ADGRF5: variants seen among roughly 807,000 people sequenced by gnomAD.
ADGRF5 encodes the protein adhesion G protein-coupled receptor F5, also known as G-protein coupled receptor 116.
Under a neutral mutation model 132.3 loss-of-function variants are expected in ADGRF5, and 75 were observed. That is an observed-to-expected ratio of 0.57 (90% confidence interval 0.47 to 0.69). The LOEUF is 0.69. Among genes scored for constraint, ADGRF5 ranks in the 30% least tolerant of loss-of-function variants. The pLI is 0.00. For missense variants in ADGRF5, 1,516 were observed against 1,630.6 expected, an observed-to-expected ratio of 0.93 and a Z score of 1.21; for synonymous variants, 629 against 597.6, an observed-to-expected ratio of 1.05 and a Z score of -0.77.
At chr6:46,887,036 C>T (rs1319340990) in intron 4 of ADGRF5, 2 of 152,142 alleles carry the variant, frequency 1.3e-5, no homozygotes, top group Non-Finnish European at 2.9e-5. Context: ...CTCTTGAAGT[C>T]ATCCCATCTC....
rs554627829 is a variant in ADGRF5 at position 46,883,770 on chromosome 6, C to A, written c.506-105G>T. 13 of 645,542 alleles carry A rather than the reference C, an allele frequency of 2.0e-5. No individual in the cohort carries two copies. In the South Asian group the frequency reaches 2.7e-4, roughly 14 times the overall value. 40.0% of individuals were successfully genotyped at this position (645,542 alleles called of 1,614,324 possible). A position where few individuals can be genotyped will look rare whatever the true frequency, so the allele number is the denominator to read the frequency against. On this transcript the variant is annotated intron_variant, in intron 5 of 20. Coordinates refer to ENST00000283296, the MANE Select transcript of ADGRF5 (RefSeq NM_001098518.2). ...TTTGTTTGTTTGTTTCAGATGGAGT[C>A]TCCCTCTGTCTCCCAGGCTGGAGTG...
intron 3 of ADGRF5, among the ~76,000 whole-genome samples, chr6:46,894,197 C>T (rs904825017): frequency 5.9e-5 from 9 of 152,188 alleles, no homozygotes; most frequent in African/African-American, 1.7e-4. Context: ...AAGATACCTA[C>T]CATTTGGCTT....
At chr6:46,923,187 A>T (rs188485459), upstream of ADGRF5, among the ~76,000 whole-genome samples, 1 of 152,180 alleles carries the variant, frequency 6.6e-6, no homozygotes. Context: ...CGGCCTCCCA[A>T]AGTGCTGGGA....
intron 8 of ADGRF5, 77 bp from the exon 9 acceptor site, chr6:46,880,116 C>T: frequency 1.0e-6 from 1 of 980,806 alleles, no homozygotes. Context: ...ACACAACCAC[C>T]ACAAGGCTCT....
intron 1 of ADGRF5, among the ~76,000 whole-genome samples, chr6:46,915,609 C>T (rs2150915596): frequency 6.6e-6 from 1 of 152,220 alleles, no homozygotes; most frequent in African/African-American, 2.4e-5. Context: ...TGAGAAATGG[C>T]TTTGCTGTCC....
chr6:46,915,606 T>C (rs922751514), intron 1 of ADGRF5, among the ~76,000 whole-genome samples: 9 of 152,306 alleles, frequency 5.9e-5, no homozygotes, highest in Middle Eastern at 6.8e-3. Flanking sequence ...CTCTGAGAAA[T>C]GGCTTTGCTG....
At chr6:46,911,997 C>G (rs111665095) in intron 1 of ADGRF5, among the ~76,000 whole-genome samples, 63 of 151,818 alleles carry the variant, frequency 4.1e-4, no homozygotes, top group Middle Eastern at 3.4e-3. Context: ...AACTCAGCAC[C>G]GACAATATTA....
At chr6:46,867,259 C>G in intron 12 of ADGRF5, 122 bp from the exon 13 acceptor site, 1 of 618,958 alleles carries the variant, frequency 1.6e-6, no homozygotes, top group Admixed American at 2.7e-5. Flanking sequence ...AATACCACAA[C>G]TTCCTGGACA....
At chr6:46,862,673 T>C (rs1012340548) in intron 15 of ADGRF5, among the ~76,000 whole-genome samples, 74 of 142,564 alleles carry the variant, frequency 5.2e-4, no homozygotes, top group African/African-American at 1.7e-3. Flanking sequence ...GCAGAACACA[T>C]ACTTAGTTGT....
intron 3 of ADGRF5, among the ~76,000 whole-genome samples, chr6:46,890,408 T>C (rs1410179041): frequency 6.6e-6 from 1 of 152,048 alleles, no homozygotes; most frequent in Non-Finnish European, 1.5e-5. Flanking sequence ...AAATATTTTA[T>C]CTTGTCAGTT....
At chr6:46,904,739 C>T (rs959675116) in intron 2 of ADGRF5, among the ~76,000 whole-genome samples, 7 of 152,144 alleles carry the variant, frequency 4.6e-5, no homozygotes, top group Non-Finnish European at 1.0e-4. Context: ...AAGCCCATCA[C>T]CAGATGTTGC....
intron 20 of ADGRF5, 120 bp from the exon 21 acceptor site, chr6:46,854,191 C>G: frequency 1.6e-6 from 1 of 641,174 alleles, no homozygotes; most frequent in Non-Finnish European, 2.6e-6. Flanking sequence ...TCGGCCATGC[C>G]TGGAAACCAA....
At chr6:46,926,735 C>T (rs756551112), upstream of ADGRF5, among the ~76,000 whole-genome samples, 2 of 152,124 alleles carry the variant, frequency 1.3e-5, no homozygotes, top group Non-Finnish European at 2.9e-5. Context: ...TCAGAATCAT[C>T]GACTTGTCAT....
At chr6:46,918,042 T>C (rs1776578736) in intron 1 of ADGRF5, among the ~76,000 whole-genome samples, 1 of 152,194 alleles carries the variant, frequency 6.6e-6, no homozygotes, top group Non-Finnish European at 1.5e-5. Context: ...CACTCCAGAG[T>C]AGGTGATTCT....
intron 7 of ADGRF5, 118 bp from the exon 8 acceptor site, chr6:46,881,715 C>T (rs1301423632): frequency 1.2e-5 from 10 of 801,246 alleles, no homozygotes. Flanking sequence ...GCATGCAAAT[C>T]TATGGATCTG....
intron 1 of ADGRF5, among the ~76,000 whole-genome samples, chr6:46,947,744 A>G (rs1175524103): frequency 1.3e-5 from 2 of 152,198 alleles, no homozygotes; most frequent in Non-Finnish European, 2.9e-5. Context: ...TGCAAACAAA[A>G]CAATCCATGA....
chr6:46,856,716 A>G lies in ADGRF5; in HGVS notation c.3876+2T>C, dbSNP rs1769091553. 3.7e-6 allele frequency: 5 copies of G among 1,350,060 alleles called. No homozygotes were observed. Among genetic ancestry groups the G allele is most frequent in the Non-Finnish European group, 5.3e-6 (5 of 939,902 alleles). The allele number at this position is 1,350,060 out of a possible 1,614,324, so 83.6% of individuals were successfully genotyped here. A position where few individuals can be genotyped will look rare whatever the true frequency, so the allele number is the denominator to read the frequency against. On this transcript the variant is annotated splice_donor_variant, in intron 19 of 20. Transcript: ENST00000283296. LOFTEE classifies it high-confidence loss of function. ...AAAAGTCTCTGCAGAGAAAAAGTTT[A>G]CCTTTGAGTGCTGTGAAGACCATCT...
At chr6:46,940,499 A>C (rs9369646) in intron 1 of ADGRF5, among the ~76,000 whole-genome samples, 1 of 151,838 alleles carries the variant, frequency 6.6e-6, no homozygotes, top group Non-Finnish European at 1.5e-5. Flanking sequence ...AGCCCTCAGG[A>C]TATATTTCAG....
chr6:46,881,904 A>G (rs1355173575), intron 7 of ADGRF5, 145 bp downstream of exon 7: 2 of 727,534 alleles, frequency 2.7e-6, no homozygotes, highest in Non-Finnish European at 4.9e-6. Context: ...TACATCTGTA[A>G]GGGGTGAGGT....
Sources: allele counts gnomAD v4.1 joint callset (sites outside exome capture counted in the v4.1 genomes callset), GRCh38; gene constraint gnomAD v4.1.1; transcripts MANE v1.5; gene names NCBI Gene and HGNC (gene_info 2026-07-23, HGNC 2026-07-21).